AKR1B1: variants seen among roughly 807,000 people sequenced by gnomAD.
The protein encoded by AKR1B1 is aldo-keto reductase family 1 member B.
In AKR1B1, 22 loss-of-function variants were observed where a neutral mutation model predicts 40.4. The ratio of observed to expected loss-of-function variants is 0.54; its 90% CI spans 0.39 to 0.78. The LOEUF (loss-of-function observed/expected upper bound fraction) is 0.78. Ranked by LOEUF, AKR1B1 falls within the 30% of genes least tolerant of loss-of-function variation. The pLI, the probability that AKR1B1 is intolerant of heterozygous loss-of-function variation, is 0.00. For synonymous variants in AKR1B1, 157 were observed against 149.9 expected, an observed-to-expected ratio of 1.05 and a Z score of -0.35; for missense variants, 357 against 396.7, an observed-to-expected ratio of 0.90 and a Z score of 0.85.
intron 9 of AKR1B1, 127 bp downstream of exon 9, chr7:134,445,111 G>A: frequency 1.2e-6 from 1 of 849,060 alleles, no homozygotes. Context: ...AGAAAGCAAG[G>A]TAATGTGCAA....
chr7:134,455,838 C>A (rs1806453538), intron 1 of AKR1B1, among the ~76,000 whole-genome samples: 1 of 152,208 alleles, frequency 6.6e-6, no homozygotes, highest in South Asian at 2.1e-4. Context: ...CCGCCTTGGC[C>A]TTCCAAAGTG....
In AKR1B1 at chr7:134,448,076, A is replaced by T. The variant is rs770157190; in HGVS notation, c.660-15T>A. ...CGGGCTTGGCCCTGAGGATAGAAAG[A>T]CAGTCCAGGTCACACCATCATGGCC... On this transcript the variant is annotated splice_polypyrimidine_tract_variant and intron_variant, in intron 6 of 9. Coordinates refer to ENST00000285930, the MANE Select transcript of AKR1B1 (RefSeq NM_001628.4). 4 of 1,604,062 alleles carry T rather than the reference A, an allele frequency of 2.5e-6. No homozygotes were observed. In the South Asian group the frequency reaches 4.5e-5, roughly 18 times the overall value.
intron 1 of AKR1B1, among the ~76,000 whole-genome samples, chr7:134,458,035 C>A (rs1241628132): frequency 2.0e-5 from 3 of 152,132 alleles, no homozygotes; most frequent in Non-Finnish European, 4.4e-5. Context: ...CTGAGAAACC[C>A]AGGTTATGGC....
upstream of AKR1B1, chr7:134,459,236 C>T (rs555634413): frequency 7.4e-5 from 54 of 727,600 alleles, no homozygotes; most frequent in East Asian, 1.4e-3. Context: ...CCCCAAGGGT[C>T]GGCGGGGATG....
intron 1 of AKR1B1, among the ~76,000 whole-genome samples, chr7:134,452,681 C>T (rs918299863): frequency 2.0e-4 from 31 of 152,306 alleles, no homozygotes; most frequent in African/African-American, 7.0e-4. Flanking sequence ...ACATGTGCAG[C>T]GGGCTGTTGA....
At chr7:134,446,256 T>A (rs879406481) in intron 8 of AKR1B1, among the ~76,000 whole-genome samples, 1 of 152,220 alleles carries the variant, frequency 6.6e-6, no homozygotes, top group African/African-American at 2.4e-5. Flanking sequence ...CTTGTGTACT[T>A]AGAACATCTA....
chr7:134,448,419 G>A lies in AKR1B1; in HGVS notation c.627C>T (p.Ala209=). The part of the protein sequence containing the change: ...YCQSKGIVVT[A]YSPLGSPDRP... Reference sequence around the variant, plus strand: ...TGTCAGGAGAGCCGAGGGGGCTGTAGGCGGTCACCACGATGCCTTTGGACT... The same window carrying A: ...TGTCAGGAGAGCCGAGGGGGCTGTAAGCGGTCACCACGATGCCTTTGGACT... The change falls in exon 6 of 10, where the codon GCC becomes GCT. Residue 209 remains alanine, a synonymous_variant. Coordinates refer to ENST00000285930, the MANE Select transcript of AKR1B1 (RefSeq NM_001628.4). 6.2e-7 allele frequency: 1 copy of A among 1,613,914 alleles called. No individual in the cohort carries two copies. The highest frequency in any genetic ancestry group is 1.7e-5 in the Admixed American group (1 of 60,010).
chr7:134,448,966 T>C lies in AKR1B1; in HGVS notation c.552+31A>G, dbSNP rs145273429. The C allele has an allele frequency of 1.5e-3, 2,499 of 1,613,838 alleles. 5 individuals carry two copies. Among genetic ancestry groups the C allele is most frequent in the Non-Finnish European group, 2.0e-3 (2,350 of 1,179,836 alleles). On this transcript the variant is annotated intron_variant, in intron 5 of 9. Transcript: ENST00000285930. Reference sequence around the variant, plus strand: ...GCATCAGACAGTAAAACAGCAACGTTGCAATGCCAGTGTCGTTGGGGGATG... The same window carrying C: ...GCATCAGACAGTAAAACAGCAACGTCGCAATGCCAGTGTCGTTGGGGGATG...
At chr7:134,445,159 G>A (rs1806055727) in intron 9 of AKR1B1, 79 bp downstream of exon 9, 1 of 1,269,002 alleles carries the variant, frequency 7.9e-7, no homozygotes, top group Admixed American at 1.9e-5. Context: ...TTGGCGCTGA[G>A]GCCTGCAGGG....
intron 8 of AKR1B1, among the ~76,000 whole-genome samples, chr7:134,446,927 G>A (rs766391064): frequency 2.0e-4 from 30 of 152,224 alleles, no homozygotes; most frequent in Non-Finnish European, 3.5e-4. Flanking sequence ...CTGAGGCATC[G>A]AGCAGTTAAG....
intron 4 of AKR1B1, 140 bp from the exon 5 acceptor site, chr7:134,449,259 T>C (rs1806203446): frequency 2.4e-6 from 3 of 1,273,436 alleles, no homozygotes; most frequent in Admixed American, 1.7e-5. Flanking sequence ...TAAGAGACAG[T>C]GAGACGAAAG....
Position 134,448,005 on chromosome 7 carries a change from G to T in AKR1B1, c.716C>A (p.Ala239Asp). The T allele has an allele frequency of 6.2e-7, 1 of 1,613,144 alleles. No individual in the cohort carries two copies. Among genetic ancestry groups the T allele is most frequent in the Non-Finnish European group, 8.5e-7 (1 of 1,179,818 alleles). The part of the protein sequence containing the change: ...LEDPRIKAIA[A>D]KHNKTTAQVL... The stretch of plus-strand genomic sequence containing the variant: ...CTGGGCTGTAGTTTTATTGTGCTTG[G>T]CTGCGATCGCCTTGATCCTGGGATC... The change falls in exon 7 of 10, where the codon GCC becomes GAC. Residue 239 changes from alanine (A) to aspartate (D), a missense_variant. By Grantham distance (126) the Ala-to-Asp change is moderately radical. Coordinates refer to ENST00000285930, the MANE Select transcript of AKR1B1 (RefSeq NM_001628.4).
rs1585710558 is a variant in AKR1B1, at chr7:134,448,129, C to T, written c.660-68G>A. The T allele has an allele frequency of 3.0e-6, 4 of 1,314,422 alleles. No individual in the cohort carries two copies. In the South Asian group the frequency reaches 5.0e-5, roughly 16 times the overall value. 81.4% of individuals were successfully genotyped at this position (1,314,422 alleles called of 1,614,324 possible). A position where few individuals can be genotyped will look rare whatever the true frequency, so the allele number is the denominator to read the frequency against. ...CACTCACAGCAGCCAGAAACCCCAA[C>T]CCTAATCCTCCCATCGACCTCAGAG... On this transcript the variant is annotated intron_variant, in intron 6 of 9. Transcript: ENST00000285930.
intron 6 of AKR1B1, 99 bp from the exon 7 acceptor site, chr7:134,448,160 C>A (rs755730555): frequency 2.7e-5 from 28 of 1,035,502 alleles, no homozygotes; most frequent in Non-Finnish European, 3.7e-5. Context: ...CAGAGGGCAG[C>A]CACCAGTCTC....
Position 134,455,802 on chromosome 7 carries a change from C to T in AKR1B1, c.66+3195G>A, listed in dbSNP as rs192253888. 2.3e-4 allele frequency among the ~76,000 whole-genome samples: 35 copies of T among 152,182 alleles called. No individual in the cohort carries two copies. In the East Asian group the frequency reaches 6.2e-3, roughly 27 times the overall value. ...TTTCACCATGTTGGCCAGCTGGTCT[C>T]GAACTCCTGACCTCAGGTGATCCAC... On this transcript the variant is annotated intron_variant, in intron 1 of 9. Coordinates refer to ENST00000285930, the MANE Select transcript of AKR1B1 (RefSeq NM_001628.4).
chr7:134,452,525 C>T (rs1224353749), intron 1 of AKR1B1, among the ~76,000 whole-genome samples: 1 of 152,162 alleles, frequency 6.6e-6, no homozygotes, highest in East Asian at 1.9e-4. Context: ...ATCTGAGTAA[C>T]CAGAACAGCT....
rs1402582534 is a variant in AKR1B1 at position 134,451,015 on chromosome 7, T to C, written c.235-113A>G. Reference sequence around the variant, plus strand: ...ACCCATTTGCTTTACCATGATGCTGTGAATGGTTGTGAGGGCATTTCCACT... The same window carrying C: ...ACCCATTTGCTTTACCATGATGCTGCGAATGGTTGTGAGGGCATTTCCACT... On this transcript the variant is annotated intron_variant, in intron 2 of 9. Coordinates refer to ENST00000285930, the MANE Select transcript of AKR1B1 (RefSeq NM_001628.4). 4 of 837,874 alleles carry C rather than the reference T, an allele frequency of 4.8e-6. No individual in the cohort carries two copies. The African/African-American group carries it at 6.7e-5, about 14-fold the overall frequency. 51.9% of individuals were successfully genotyped at this position (837,874 alleles called of 1,614,324 possible). A position where few individuals can be genotyped will look rare whatever the true frequency, so the allele number is the denominator to read the frequency against.
chr7:134,445,768 C>T (rs758880612), intron 8 of AKR1B1, among the ~76,000 whole-genome samples: 17 of 152,320 alleles, frequency 1.1e-4, no homozygotes, highest in Admixed American at 5.9e-4. Flanking sequence ...GGATTCCAGC[C>T]GGGAAACTGA....
rs753684976 is a variant in AKR1B1 at position 134,448,039 on chromosome 7, G to C, written c.682C>G (p.Leu228Val). The C allele has an allele frequency of 6.2e-7, 1 of 1,613,234 alleles. No homozygotes were observed. Reference sequence around the variant, plus strand: ...GCCTTGATCCTGGGATCCTCCAGGAGAGAAGGGTCCTCGGGCTTGGCCCTG... The same window carrying C: ...GCCTTGATCCTGGGATCCTCCAGGACAGAAGGGTCCTCGGGCTTGGCCCTG... ...RPWAKPEDPS[L>V]LEDPRIKAIA... Residue 228 changes from leucine (L) to valine (V), a missense_variant, in exon 7 of 10, where the codon CTC (leucine) becomes GTC (valine). Transcript: ENST00000285930.
Sources: allele counts gnomAD v4.1 joint callset (sites outside exome capture counted in the v4.1 genomes callset), GRCh38; gene constraint gnomAD v4.1.1; transcripts MANE v1.5; gene names NCBI Gene and HGNC (gene_info 2026-07-23, HGNC 2026-07-21).